The following LPAR1 variants were observed in gnomAD, a reference collection of about 807,000 sequenced individuals.
The protein encoded by LPAR1 is LPA receptor 1.
A neutral mutation model predicts 23.8 loss-of-function variants in LPAR1; 5 were observed. That is an observed-to-expected ratio of 0.21 (90% CI 0.11 to 0.44). LPAR1 has a LOEUF of 0.44. Ranked by LOEUF, LPAR1 falls within the 20% of genes least tolerant of loss-of-function variation. LPAR1 has a pLI of 0.99. For synonymous variants in LPAR1, 160 were observed against 164.7 expected (o/e 0.97, Z 0.22); for missense variants, 311 against 482.8 (o/e 0.64, Z 3.33).
At chr9:110,911,725 T>C (rs772140319) in intron 5 of LPAR1, among the ~76,000 whole-genome samples, 1 of 152,250 alleles carries the variant, frequency 6.6e-6, no homozygotes, top group Non-Finnish European at 1.5e-5. Flanking sequence ...GACATACTAC[T>C]ATTGCACATT....
At chr9:110,915,123 C>A (rs1276213597) in intron 5 of LPAR1, among the ~76,000 whole-genome samples, 2 of 152,188 alleles carry the variant, frequency 1.3e-5, no homozygotes, top group African/African-American at 4.8e-5. Context: ...ATTGTACTCT[C>A]TAAAGTGTGC....
chr9:110,989,384 C>T (rs1487929421), intron 2 of LPAR1, among the ~76,000 whole-genome samples: 1 of 152,126 alleles, frequency 6.6e-6, no homozygotes, highest in Admixed American at 6.6e-5. Flanking sequence ...TTTTAAATGG[C>T]TGGCTTTTAT....
chr9:110,943,116 TTA>T (rs1167046860), intron 4 of LPAR1, among the ~76,000 whole-genome samples: 1 of 147,746 alleles, frequency 6.8e-6, no homozygotes, highest in African/African-American at 2.5e-5. Context: ...TTATATATAA[TTA>T]TAATATGTAA....
chr9:110,881,736 C>T (rs570689947), intron 5 of LPAR1, among the ~76,000 whole-genome samples: 1 of 152,344 alleles, frequency 6.6e-6, no homozygotes, highest in Admixed American at 6.5e-5. Context: ...AGGCTCTTAA[C>T]CAATTCCTCT....
rs57807795 is a variant in LPAR1 at position 110,913,554 on chromosome 9, G to GTA, written c.793+27865_793+27866dup. On this transcript the variant is annotated intron_variant, in intron 5 of 5. Transcript: ENST00000683809. Reference sequence around the variant, plus strand: ...ATGTGTATCAAGTTCATTTTAATAAGTATATATATATATATCCATTTTTAG... The same window carrying GTA: ...ATGTGTATCAAGTTCATTTTAATAAGTATATATATATATATATCCATTTTTAG... Among the ~76,000 whole-genome samples the GTA allele has an allele frequency of 0.044, 6,596 of 150,874 alleles. 950 individuals carry two copies. In the East Asian group the frequency reaches 0.56, roughly 13 times the overall value.
chr9:110,909,728 A>AT (rs1564437572), intron 5 of LPAR1, among the ~76,000 whole-genome samples: 1 of 112,656 alleles, frequency 8.9e-6, no homozygotes, highest in East Asian at 2.9e-4. Context: ...TATTAAATAA[A>AT]GTATTTATTT....
intron 5 of LPAR1, among the ~76,000 whole-genome samples, chr9:110,896,046 TC>T (rs1222664027): frequency 6.6e-6 from 1 of 152,174 alleles, no homozygotes; most frequent in African/African-American, 2.4e-5. Flanking sequence ...CTGGGTCAAT[TC>T]CTTTGTCTTC....
intron 5 of LPAR1, among the ~76,000 whole-genome samples, chr9:110,879,456 G>T (rs2080110239): frequency 6.7e-6 from 1 of 149,474 alleles, no homozygotes. Flanking sequence ...GAAGAAGTGT[G>T]GTTATTTATT....
intron 2 of LPAR1, among the ~76,000 whole-genome samples, chr9:110,986,224 T>C (rs1432363380): frequency 6.6e-6 from 1 of 152,104 alleles, no homozygotes; most frequent in Non-Finnish European, 1.5e-5. Flanking sequence ...AGAAGCACCC[T>C]ATAGGGTGGA....
At chr9:110,978,736 C>T (rs774105934) in intron 2 of LPAR1, among the ~76,000 whole-genome samples, 27 of 152,098 alleles carry the variant, frequency 1.8e-4, no homozygotes, top group East Asian at 3.9e-4. Flanking sequence ...AGGCCTGAGA[C>T]GGAAAGATTT....
At chr9:110,956,508 C>CG (rs1367704101) in intron 4 of LPAR1, among the ~76,000 whole-genome samples, 61 of 110,306 alleles carry the variant, frequency 5.5e-4, no homozygotes, top group African/African-American at 1.9e-3. Context: ...AAGGATCAAC[C>CG]AAAGAAGTTA....
At chr9:110,902,745 A>G (rs2089731038) in intron 5 of LPAR1, among the ~76,000 whole-genome samples, 1 of 152,140 alleles carries the variant, frequency 6.6e-6, no homozygotes, top group Non-Finnish European at 1.5e-5. Context: ...CTGCCACAAA[A>G]AAAGGCTCCA....
chr9:110,971,013 T>G (rs1198414894), intron 4 of LPAR1, among the ~76,000 whole-genome samples: 2 of 152,128 alleles, frequency 1.3e-5, no homozygotes, highest in Non-Finnish European at 2.9e-5. Flanking sequence ...CGGGCGCCTG[T>G]AATCTCAGCT....
At chr9:110,915,470 T>C (rs1044602360) in intron 5 of LPAR1, among the ~76,000 whole-genome samples, 15 of 152,106 alleles carry the variant, frequency 9.9e-5, no homozygotes, top group African/African-American at 3.6e-4. Context: ...CACTTGAACC[T>C]GGGAGGTGGA....
At chr9:110,978,835 C>T (rs1478935344) in intron 2 of LPAR1, among the ~76,000 whole-genome samples, 2 of 152,074 alleles carry the variant, frequency 1.3e-5, no homozygotes, top group Non-Finnish European at 2.9e-5. Flanking sequence ...AAACAGGATG[C>T]TTAAAAAGTG....
chr9:110,893,997 G>C (rs190352623), intron 5 of LPAR1, among the ~76,000 whole-genome samples: 1 of 152,164 alleles, frequency 6.6e-6, no homozygotes, highest in Non-Finnish European at 1.5e-5. Flanking sequence ...TGCTTCATTA[G>C]AATAAATTAG....
At chr9:110,940,715 A>T (rs776124414) in intron 5 of LPAR1, among the ~76,000 whole-genome samples, 2 of 152,226 alleles carry the variant, frequency 1.3e-5, no homozygotes, top group African/African-American at 4.8e-5. Flanking sequence ...TACCTTCTAC[A>T]CACATAAGTG....
intron 4 of LPAR1, among the ~76,000 whole-genome samples, chr9:110,970,459 A>C (rs2096380575): frequency 6.6e-6 from 1 of 152,196 alleles, no homozygotes; most frequent in African/African-American, 2.4e-5. Flanking sequence ...ACTTACCAGA[A>C]AGAGGAATGC....
At chr9:111,020,779 G>T (rs1173517561) in intron 2 of LPAR1, among the ~76,000 whole-genome samples, 4 of 152,084 alleles carry the variant, frequency 2.6e-5, no homozygotes, top group Non-Finnish European at 5.9e-5. Context: ...CAGGAGCCTG[G>T]AGTCCTGGCT....
Sources: gnomAD v4.1 joint callset for allele counts (sites outside exome capture counted in the v4.1 genomes callset) on GRCh38, gnomAD v4.1.1 for gene constraint, MANE v1.5 for transcripts, NCBI Gene and HGNC (gene_info 2026-07-23, HGNC 2026-07-21) for gene names.